Variants in OPCML observed in about 807,000 individuals in gnomAD.
OPCML encodes opioid-binding protein/cell adhesion molecule.
OPCML carries 13 observed loss-of-function variants against 37.8 expected under a neutral mutation model. The observed-to-expected ratio is 0.34, with a 90% CI of 0.22 to 0.55. The LOEUF (loss-of-function observed/expected upper bound fraction) is 0.55. Among genes scored for constraint, OPCML ranks in the 20% least tolerant of loss-of-function variants. The pLI, the probability that OPCML is intolerant of heterozygous loss-of-function variation, is 0.91. For synonymous variants in OPCML, 176 were observed against 168.8 expected (o/e 1.04, Z -0.33); for missense variants, 341 against 435.6 (o/e 0.78, Z 1.93).
chr11:132,987,233 C>T (rs1946696350), intron 1 of OPCML, among the ~76,000 whole-genome samples: 1 of 152,056 alleles, frequency 6.6e-6, no homozygotes, highest in Non-Finnish European at 1.5e-5. Flanking sequence ...TTGAGCATTC[C>T]TTGACAACAG....
At chr11:133,359,163 A>C (rs1944359226) in intron 1 of OPCML, among the ~76,000 whole-genome samples, 1 of 152,272 alleles carries the variant, frequency 6.6e-6, no homozygotes, top group African/African-American at 2.4e-5. Flanking sequence ...TTCCCTATAA[A>C]ATAAACTCCA....
intron 1 of OPCML, among the ~76,000 whole-genome samples, chr11:133,030,481 ATCTG>A (rs1433011975): frequency 6.6e-6 from 1 of 152,126 alleles, no homozygotes; most frequent in Non-Finnish European, 1.5e-5. Context: ...TGTTTTCCTA[ATCTG>A]TACATAAGGA....
At position 133,201,529 on chromosome 11, in the gene OPCML, A is replaced by T. The variant is rs555437398; in HGVS notation, c.62-258519T>A. Reference sequence around the variant, plus strand: ...GCCATATCTCATCCCAGTTTATCATAAGTAAGTAGGTAAGTGGCATGAGAG... The same window carrying T: ...GCCATATCTCATCCCAGTTTATCATTAGTAAGTAGGTAAGTGGCATGAGAG... On this transcript the variant is annotated intron_variant, in intron 1 of 7. Transcript: ENST00000524381. 7.2e-5 allele frequency among the ~76,000 whole-genome samples: 11 copies of T among 152,268 alleles called. No individual in the cohort carries two copies. The East Asian group carries it at 1.9e-3, about 27-fold the overall frequency.
intron 2 of OPCML, among the ~76,000 whole-genome samples, chr11:132,879,372 C>T (rs1943140725): frequency 6.6e-6 from 1 of 152,092 alleles, no homozygotes; most frequent in African/African-American, 2.4e-5. Flanking sequence ...ACCTACCTCA[C>T]AGTTTTTCAG....
At chr11:133,189,344 C>A (rs143330055) in intron 1 of OPCML, among the ~76,000 whole-genome samples, 1 of 152,278 alleles carries the variant, frequency 6.6e-6, no homozygotes, top group Non-Finnish European at 1.5e-5. Context: ...ATTAGAGAAG[C>A]AAGGTGAAGA....
chr11:133,402,856 A>C (rs1424086994), intron 1 of OPCML, among the ~76,000 whole-genome samples: 1 of 152,216 alleles, frequency 6.6e-6, no homozygotes, highest in Non-Finnish European at 1.5e-5. Flanking sequence ...CAAGTCGCCA[A>C]GGCCAAACCA....
At chr11:132,651,443 C>T (rs1251307340) in intron 3 of OPCML, among the ~76,000 whole-genome samples, 2 of 152,078 alleles carry the variant, frequency 1.3e-5, no homozygotes, top group African/African-American at 2.4e-5. Context: ...CTTTTTTTCT[C>T]GTGAGAAAAG....
At chr11:133,043,190 G>A (rs555003864) in intron 1 of OPCML, among the ~76,000 whole-genome samples, 1 of 152,290 alleles carries the variant, frequency 6.6e-6, no homozygotes, top group South Asian at 2.1e-4. Context: ...CAGGGTGGAT[G>A]CAAGAGGCAG....
intron 1 of OPCML, among the ~76,000 whole-genome samples, chr11:133,164,545 G>A (rs935217284): frequency 6.6e-6 from 1 of 152,194 alleles, no homozygotes; most frequent in African/African-American, 2.4e-5. Flanking sequence ...CGAGACCGCA[G>A]GTAAGAGGAT....
At chr11:132,928,224 G>A (rs1245847935) in intron 2 of OPCML, among the ~76,000 whole-genome samples, 1 of 151,980 alleles carries the variant, frequency 6.6e-6, no homozygotes, top group Non-Finnish European at 1.5e-5. Context: ...ACTATATGCT[G>A]TGTCCAAGAG....
At chr11:133,487,800 T>TGC (rs777290310) in intron 1 of OPCML, among the ~76,000 whole-genome samples, 3 of 147,338 alleles carry the variant, frequency 2.0e-5, no homozygotes, top group Non-Finnish European at 3.0e-5. Context: ...TGTGTGTGTG[T>TGC]GTGCGTGTGT....
chr11:133,389,741 G>C (rs1467752738), intron 1 of OPCML, among the ~76,000 whole-genome samples: 1 of 152,140 alleles, frequency 6.6e-6, no homozygotes, highest in Non-Finnish European at 1.5e-5. Context: ...CTTTGAAATG[G>C]TCTTCTGTGC....
intron 2 of OPCML, among the ~76,000 whole-genome samples, chr11:132,828,699 G>A (rs1280732358): frequency 1.3e-5 from 2 of 152,004 alleles, no homozygotes; most frequent in Non-Finnish European, 2.9e-5. Flanking sequence ...AAACTTTTGG[G>A]TATCCGATGT....
chr11:133,009,145 G>C, intron 1 of OPCML: 1 of 985,250 alleles, frequency 1.0e-6, no homozygotes, highest in Non-Finnish European at 1.2e-6. Flanking sequence ...ATTTAGATTA[G>C]GATTTATTTA....
intron 2 of OPCML, among the ~76,000 whole-genome samples, chr11:132,814,698 C>T (rs1291094071): frequency 1.3e-5 from 2 of 152,166 alleles, no homozygotes; most frequent in African/African-American, 4.8e-5. Context: ...ACTCCATGAC[C>T]CAGTCACGTT....
chr11:132,914,834 C>T (rs1164730651), intron 2 of OPCML, among the ~76,000 whole-genome samples: 2 of 152,206 alleles, frequency 1.3e-5, no homozygotes, highest in East Asian at 1.9e-4. Flanking sequence ...TACGCCATTA[C>T]ACAACACAAG....
intron 4 of OPCML, among the ~76,000 whole-genome samples, chr11:132,481,285 C>T (rs1369587189): frequency 1.3e-5 from 2 of 152,030 alleles, no homozygotes; most frequent in Non-Finnish European, 2.9e-5. Flanking sequence ...TCTGATAAAA[C>T]AGACTTTAAA....
At chr11:133,421,174 T>C in intron 1 of OPCML, 7 of 985,440 alleles carry the variant, frequency 7.1e-6, no homozygotes, top group Non-Finnish European at 8.4e-6. Flanking sequence ...GTAAACTGTA[T>C]AATGATAGCT....
intron 1 of OPCML, among the ~76,000 whole-genome samples, chr11:133,119,352 A>C (rs540894292): frequency 6.6e-6 from 1 of 150,772 alleles, no homozygotes; most frequent in East Asian, 1.9e-4. Context: ...TACATTTGGA[A>C]TTCTACTATT....
Sources: allele counts gnomAD v4.1 joint callset (sites outside exome capture counted in the v4.1 genomes callset), GRCh38; gene constraint gnomAD v4.1.1; transcripts MANE v1.5; gene names NCBI Gene and HGNC (gene_info 2026-07-23, HGNC 2026-07-21).